THRB: variants seen among roughly 807,000 people sequenced by gnomAD.
The protein encoded by THRB is thyroid hormone receptor beta.
A neutral mutation model predicts 47.8 loss-of-function variants in THRB; 12 were observed. The ratio of observed to expected loss-of-function variants is 0.25; its 90% CI spans 0.16 to 0.41. The LOEUF (loss-of-function observed/expected upper bound fraction) is 0.41, where lower values mean the gene tolerates loss of function less well. Among genes scored for constraint, THRB ranks in the 10% least tolerant of loss-of-function variants. THRB has a pLI of 1.00. For synonymous variants in THRB, 218 were observed against 212.2 expected (o/e 1.03, Z -0.24); for missense variants, 348 against 589.2 (o/e 0.59, Z 4.24).
At chr3:24,372,284 C>T (rs1464047145) in intron 1 of THRB, among the ~76,000 whole-genome samples, 1 of 152,082 alleles carries the variant, frequency 6.6e-6, no homozygotes, top group African/African-American at 2.4e-5. Flanking sequence ...AAGCTACCAA[C>T]ATGATGTTAC....
chr3:24,155,443 C>CA (rs2149147212), intron 5 of THRB, among the ~76,000 whole-genome samples: 1 of 152,316 alleles, frequency 6.6e-6, no homozygotes, highest in South Asian at 2.1e-4. Flanking sequence ...ACAGTCACCA[C>CA]AGGCAATGAT....
intron 3 of THRB, among the ~76,000 whole-genome samples, chr3:24,249,510 T>C (rs1026972539): frequency 1.2e-4 from 18 of 152,158 alleles, no homozygotes; most frequent in Admixed American, 8.5e-4. Flanking sequence ...TCCTTCTACT[T>C]TGGGACTGGA....
intron 3 of THRB, among the ~76,000 whole-genome samples, chr3:24,274,562 AT>A (rs1328881315): frequency 6.6e-6 from 1 of 151,930 alleles, no homozygotes; most frequent in Non-Finnish European, 1.5e-5. Flanking sequence ...ACTCCTTTCC[AT>A]TTTCCTTTCC....
chr3:24,205,235 G>GT (rs1362140048), intron 4 of THRB, among the ~76,000 whole-genome samples: 1 of 152,178 alleles, frequency 6.6e-6, no homozygotes, highest in Admixed American at 6.5e-5. Flanking sequence ...AGGAAAAAAT[G>GT]TTAAGGGCAG....
chr3:24,133,043 G>A (rs2034113025), intron 9 of THRB, among the ~76,000 whole-genome samples: 1 of 152,188 alleles, frequency 6.6e-6, no homozygotes, highest in South Asian at 2.1e-4. Flanking sequence ...AGAATAAATG[G>A]AATCTATTGC....
chr3:24,453,229 T>C (rs1259199808), intron 1 of THRB, among the ~76,000 whole-genome samples: 2 of 152,244 alleles, frequency 1.3e-5, no homozygotes, highest in African/African-American at 4.8e-5. Flanking sequence ...ATTCACTATG[T>C]GCCAGGTACT....
intron 1 of THRB, among the ~76,000 whole-genome samples, chr3:24,393,495 A>G (rs1383238062): frequency 6.6e-6 from 1 of 152,156 alleles, no homozygotes; most frequent in African/African-American, 2.4e-5. Context: ...AACAAGTTCT[A>G]GGGGCACCTG....
chr3:24,142,811 T>C (rs1177326631), intron 8 of THRB, among the ~76,000 whole-genome samples: 1 of 152,226 alleles, frequency 6.6e-6, no homozygotes, highest in Non-Finnish European at 1.5e-5. Context: ...TTGGTTTGCA[T>C]GTCTGTAAAA....
chr3:24,411,906 A>C (rs2068336584), intron 1 of THRB, among the ~76,000 whole-genome samples: 1 of 151,814 alleles, frequency 6.6e-6, no homozygotes, highest in Non-Finnish European at 1.5e-5. Context: ...GCTGAGTAGC[A>C]TCGGGTCATT....
chr3:24,156,684 A>G (rs2037892319), intron 5 of THRB, among the ~76,000 whole-genome samples: 3 of 152,176 alleles, frequency 2.0e-5, no homozygotes, highest in Non-Finnish European at 2.9e-5. Context: ...GCCAGTAGGT[A>G]TCTGATCTTG....
intron 3 of THRB, among the ~76,000 whole-genome samples, chr3:24,269,020 T>C (rs963656103): frequency 1.2e-4 from 19 of 152,206 alleles, no homozygotes; most frequent in Non-Finnish European, 1.8e-4. Context: ...GGGTATTATA[T>C]AGTTTGTCAC....
intron 1 of THRB, among the ~76,000 whole-genome samples, chr3:24,407,346 A>ATT (rs5847292): frequency 1.5e-4 from 23 of 150,614 alleles, no homozygotes; most frequent in African/African-American, 3.9e-4. Context: ...GATTGCAAAC[A>ATT]TTTTTTTTTC....
At chr3:24,329,771 T>C (rs1331692026) in intron 2 of THRB, among the ~76,000 whole-genome samples, 1 of 152,226 alleles carries the variant, frequency 6.6e-6, no homozygotes, top group Non-Finnish European at 1.5e-5. Context: ...AACAAAACTC[T>C]AGTTGTCTTG....
At position 24,168,490 on chromosome 3, in the gene THRB, A is replaced by ATATATATATATATATATAT. The variant is rs1559499553; in HGVS notation, c.284-16001_284-16000insATATATATATATATATATA. Among the ~76,000 whole-genome samples, 1,358 of 137,846 alleles carry ATATATATATATATATATAT rather than the reference A, an allele frequency of 9.9e-3. 47 individuals are homozygous for ATATATATATATATATATAT. The highest frequency in any genetic ancestry group is 0.015 in the African/African-American group (544 of 37,388). 90.4% of individuals were successfully genotyped at this position (137,846 alleles called of 152,430 possible). On this transcript the variant is annotated intron_variant, in intron 5 of 10. Coordinates refer to ENST00000646209, the MANE Select transcript of THRB (RefSeq NM_001354712.2). Reference sequence around the variant, plus strand: ...TCCGATTAGAAGTGTTTCAATCAATAATATATATATATATATATATGCGCC... The same window carrying ATATATATATATATATATAT: ...TCCGATTAGAAGTGTTTCAATCAATATATATATATATATATATATATATATATATATATATATATGCGCC...
rs191765038 is a variant in THRB, at chr3:24,337,339, C to T, written c.-228G>A. 16 of 152,224 alleles carry T rather than the reference C, an allele frequency of 1.1e-4. No individual in the cohort carries two copies. Among genetic ancestry groups the T allele is most frequent in the African/African-American group, 2.6e-4 (11 of 41,546 alleles). 9.4% of individuals were successfully genotyped at this position (152,224 alleles called of 1,614,324 possible). On this transcript the variant is annotated 5_prime_UTR_variant, in exon 2 of 11. In the 5' UTR this introduces an upstream ATG that the reference lacks. Coordinates refer to ENST00000646209, the MANE Select transcript of THRB (RefSeq NM_001354712.2). ...AATCATGTGTGGAACTTGGCACCCA[C>T]GCAGGACAGCCAACCAGAAGGAAAT... is the stretch of plus-strand genomic sequence containing the variant.
At chr3:24,273,549 C>A (rs1222990249) in intron 3 of THRB, among the ~76,000 whole-genome samples, 2 of 152,136 alleles carry the variant, frequency 1.3e-5, no homozygotes, top group African/African-American at 4.8e-5. Flanking sequence ...CACATAATTC[C>A]TTAGCTTTAA....
At chr3:24,214,509 A>G (rs7649654) in intron 4 of THRB, among the ~76,000 whole-genome samples, 7,108 of 146,756 alleles carry the variant, frequency 0.048, 535 homozygotes, top group African/African-American at 0.18. Flanking sequence ...CTGAGAGACA[A>G]GAAGGAGTCA....
At chr3:24,384,344 T>C (rs529410111) in intron 1 of THRB, among the ~76,000 whole-genome samples, 1 of 152,256 alleles carries the variant, frequency 6.6e-6, no homozygotes, top group Admixed American at 6.6e-5. Flanking sequence ...ATTTATCAAA[T>C]TCTGCATTCT....
chr3:24,152,619 G>A, intron 5 of THRB, 129 bp from the exon 6 acceptor site: 1 of 683,990 alleles, frequency 1.5e-6, no homozygotes, highest in Non-Finnish European at 2.7e-6. Context: ...TAAAGACTTA[G>A]TGAAACCAAA....
Sources: allele counts gnomAD v4.1 joint callset (sites outside exome capture counted in the v4.1 genomes callset), GRCh38; gene constraint gnomAD v4.1.1; transcripts MANE v1.5; gene names NCBI Gene and HGNC (gene_info 2026-07-23, HGNC 2026-07-21).